HIBCH: variants seen among roughly 807,000 people sequenced by gnomAD.
HIBCH encodes the protein 3-hydroxyisobutyryl-CoA hydrolase.
Under a neutral mutation model 58.2 loss-of-function variants are expected in HIBCH, and 50 were observed. The ratio of observed to expected loss-of-function variants is 0.86; its 90% CI spans 0.68 to 1.09. The LOEUF is 1.09. Among genes scored for constraint, HIBCH ranks in the 50% least tolerant of loss-of-function variants. The pLI, the probability that HIBCH is intolerant of heterozygous loss-of-function variation, is 0.00. For missense variants in HIBCH, 450 were observed against 449.7 expected (o/e 1.00, Z -0.01); for synonymous variants, 151 against 146.9 (o/e 1.03, Z -0.20).
chr2:190,208,435 G>A (rs910588541), intron 13 of HIBCH, among the ~76,000 whole-genome samples: 1 of 152,156 alleles, frequency 6.6e-6, no homozygotes, highest in Admixed American at 6.5e-5. Context: ...GATTGTAGGG[G>A]CAGGATTACC....
At chr2:190,312,985 G>C (rs2124867349) in intron 1 of HIBCH, among the ~76,000 whole-genome samples, 1 of 152,336 alleles carries the variant, frequency 6.6e-6, no homozygotes, top group African/African-American at 2.4e-5. Context: ...TGTAATCCCA[G>C]CTACTCAGGA....
rs371494853 is a variant in HIBCH, at chr2:190,216,988, C to A, written c.892-3913G>T. Among the ~76,000 whole-genome samples, 4 of 152,294 alleles carry A rather than the reference C, an allele frequency of 2.6e-5. No individual in the cohort carries two copies. The East Asian group carries it at 5.8e-4, about 22-fold the overall frequency. ...CTGCCAGGGAGAGGAATGGTGTCTT[C>A]AAAGCAAACAATGAGGAAGTGAGGG... is the stretch of plus-strand genomic sequence containing the variant. On this transcript the variant is annotated intron_variant, in intron 11 of 13. Transcript: ENST00000359678. The surrounding 1 kb of genome is among the most constrained non-coding windows in gnomAD (Gnocchi z 4.2).
chr2:190,226,595 C>CA (rs752856547), intron 11 of HIBCH, among the ~76,000 whole-genome samples: 1,999 of 29,158 alleles, frequency 0.069, 130 homozygotes, highest in Non-Finnish European at 0.094. Context: ...AACTCCGTCT[C>CA]AAAAAAAAAA....
At chr2:190,265,121 T>TGAAAAAAAAA (rs1559042131) in intron 6 of HIBCH, among the ~76,000 whole-genome samples, 3 of 43,714 alleles carry the variant, frequency 6.9e-5, no homozygotes, top group African/African-American at 4.6e-4. Flanking sequence ...AGACTCCGTC[T>TGAAAAAAAAA]CAAAAAAAAA....
downstream of HIBCH, chr2:190,199,624 T>TGAGTGGCA: frequency 1.1e-6 from 1 of 939,166 alleles, no homozygotes. Context: ...ATGAAAGGAT[T>TGAGTGGCA]TTTACATGCC....
intron 6 of HIBCH, among the ~76,000 whole-genome samples, chr2:190,268,228 T>C (rs185246924): frequency 6.6e-6 from 1 of 152,372 alleles, no homozygotes; most frequent in Non-Finnish European, 1.5e-5. Flanking sequence ...TAAAAAGTTA[T>C]ACCACTTTCC....
At chr2:190,239,588 T>C (rs1243407282) in intron 11 of HIBCH, among the ~76,000 whole-genome samples, 1 of 152,068 alleles carries the variant, frequency 6.6e-6, no homozygotes, top group African/African-American at 2.4e-5. Flanking sequence ...TTCCTATCCA[T>C]AAGCATAGAA....
intron 6 of HIBCH, among the ~76,000 whole-genome samples, chr2:190,263,715 CCTCT>C (rs548038961): frequency 1.2e-3 from 183 of 152,264 alleles, no homozygotes; most frequent in Admixed American, 2.2e-3. Context: ...TAAGTGTGCT[CCTCT>C]CTCTGTCTTC....
chr2:190,293,473 TAAATA>T (rs1688008039), intron 4 of HIBCH, among the ~76,000 whole-genome samples: 1 of 151,212 alleles, frequency 6.6e-6, no homozygotes, highest in African/African-American at 2.4e-5. Flanking sequence ...AATAAATAAA[TAAATA>T]AAATAATAAA....
intron 1 of HIBCH, among the ~76,000 whole-genome samples, chr2:190,195,182 A>G (rs956562058): frequency 1.3e-5 from 2 of 152,106 alleles, no homozygotes; most frequent in South Asian, 2.1e-4. Context: ...TTAATGCTGA[A>G]TATGTTCCAT....
At chr2:190,264,530 T>C (rs918019219) in intron 6 of HIBCH, among the ~76,000 whole-genome samples, 3 of 152,212 alleles carry the variant, frequency 2.0e-5, no homozygotes, top group Non-Finnish European at 4.4e-5. Flanking sequence ...CTGGTTTATC[T>C]AGATATAAAT....
chr2:190,282,995 C>A (rs1243340501), intron 6 of HIBCH, among the ~76,000 whole-genome samples: 1 of 152,126 alleles, frequency 6.6e-6, no homozygotes, highest in Non-Finnish European at 1.5e-5. Context: ...GAAATCACAT[C>A]TAATTGTAGT....
At chr2:190,242,828 A>G (rs1686491051) in intron 11 of HIBCH, among the ~76,000 whole-genome samples, 2 of 152,142 alleles carry the variant, frequency 1.3e-5, no homozygotes, top group African/African-American at 4.8e-5. Flanking sequence ...CTTTTCCTTT[A>G]TCATGTGACA....
At chr2:190,265,451 T>C (rs1322350374) in intron 6 of HIBCH, among the ~76,000 whole-genome samples, 2 of 139,824 alleles carry the variant, frequency 1.4e-5, no homozygotes, top group Non-Finnish European at 3.0e-5. Context: ...TCCAATCTTT[T>C]GCTCTTTTTT....
chr2:190,303,795 C>T (rs932955656), intron 2 of HIBCH, among the ~76,000 whole-genome samples: 8 of 152,022 alleles, frequency 5.3e-5, no homozygotes, highest in South Asian at 2.1e-4. Context: ...GGCACTTACA[C>T]AAAAGGATAA....
chr2:190,194,864 AT>A (rs1481659830), intron 1 of HIBCH, among the ~76,000 whole-genome samples: 1 of 151,830 alleles, frequency 6.6e-6, no homozygotes, highest in African/African-American at 2.4e-5. Context: ...CTGGATTATT[AT>A]TTTTTGAGGT....
intron 5 of HIBCH, among the ~76,000 whole-genome samples, chr2:190,289,143 A>G (rs539575795): frequency 6.6e-6 from 1 of 152,092 alleles, no homozygotes; most frequent in Admixed American, 6.5e-5. Flanking sequence ...AATAAAATAA[A>G]AATAAACTTA....
chr2:190,199,681 T>G, downstream of HIBCH: 1 of 1,409,806 alleles, frequency 7.1e-7, no homozygotes, highest in South Asian at 1.6e-5. Context: ...AAATGAAACC[T>G]ACCTTCTCTT....
intron 11 of HIBCH, among the ~76,000 whole-genome samples, chr2:190,223,368 G>A (rs1685786202): frequency 6.6e-6 from 1 of 152,128 alleles, no homozygotes; most frequent in African/African-American, 2.4e-5. Context: ...CTGAGTATAT[G>A]GTACTACATG....
Sources: allele counts gnomAD v4.1 joint callset (sites outside exome capture counted in the v4.1 genomes callset), GRCh38; gene constraint gnomAD v4.1.1; non-coding constraint Gnocchi (gnomAD v3.1); transcripts MANE v1.5; gene names NCBI Gene and HGNC (gene_info 2026-07-23, HGNC 2026-07-21).